RERE: variants seen among roughly 807,000 people sequenced by gnomAD.
RERE encodes the protein arginine-glutamic acid dipeptide repeats.
A neutral mutation model predicts 146.1 loss-of-function variants in RERE; 40 were observed. That is an observed-to-expected ratio of 0.27 (90% CI 0.21 to 0.36). The LOEUF is 0.36. Among genes scored for constraint, RERE ranks in the 10% least tolerant of loss-of-function variants. The probability of loss-of-function intolerance (pLI) is 1.00; values close to 1 mark genes in which losing one functional copy is unlikely to be tolerated. For missense variants in RERE, 1,933 were observed against 2,138.7 expected (o/e 0.90, Z 1.90); for synonymous variants, 1,003 against 866.0 (o/e 1.16, Z -2.78).
At chr1:8,547,848 C>T (rs1289112653) in intron 6 of RERE, among the ~76,000 whole-genome samples, 1 of 152,174 alleles carries the variant, frequency 6.6e-6, no homozygotes, top group East Asian at 1.9e-4. Context: ...ACCCAGCAAT[C>T]CCACTATTAT....
At position 8,365,842 on chromosome 1, in the gene RERE, T is replaced by C. The variant is rs149085650; in HGVS notation, c.1417A>G (p.Thr473Ala). 6.8e-6 allele frequency: 11 copies of C among 1,614,044 alleles called. No homozygotes were observed. The Admixed American group carries it at 1.8e-4, about 27-fold the overall frequency. Residue 473 changes from threonine to alanine, a missense_variant, in exon 13 of 23, where the codon ACA becomes GCA. Transcript: ENST00000400908. ...KTRTASTPVN[T>A]PSRPPSSEFL... is the part of the protein sequence containing the mutation. ...TCACTGGACGGGGGTCTGGAGGGTG[T>C]GTTGACGGGTGTGGACGCGGTGCGA...
intron 12 of RERE, among the ~76,000 whole-genome samples, chr1:8,396,535 T>C (rs954594136): frequency 1.3e-5 from 2 of 152,166 alleles, no homozygotes; most frequent in Non-Finnish European, 2.9e-5. Context: ...TTTTCAGCTG[T>C]GGATAACAAC....
intron 7 of RERE, among the ~76,000 whole-genome samples, chr1:8,532,435 G>T (rs888891300): frequency 7.3e-6 from 1 of 136,428 alleles, no homozygotes; most frequent in East Asian, 2.6e-4. Context: ...GGTCCGGGGA[G>T]GGGGGAGACA....
intron 12 of RERE, among the ~76,000 whole-genome samples, chr1:8,411,613 C>T (rs975973693): frequency 6.6e-6 from 1 of 152,154 alleles, no homozygotes; most frequent in South Asian, 2.1e-4. Context: ...GGTGATACTA[C>T]AGAGTGAGCT....
intron 1 of RERE, among the ~76,000 whole-genome samples, chr1:8,794,065 CA>C (rs999908345): frequency 4.0e-4 from 51 of 128,032 alleles, no homozygotes; most frequent in East Asian, 4.5e-4. Context: ...AAGACTGTCT[CA>C]AAAAAAAAAA....
At chr1:8,453,085 G>C (rs1277023500) in intron 11 of RERE, among the ~76,000 whole-genome samples, 1 of 152,198 alleles carries the variant, frequency 6.6e-6, no homozygotes, top group Non-Finnish European at 1.5e-5. Flanking sequence ...GAGAGGGAGA[G>C]AGAGGAAGGG....
chr1:8,375,108 G>A (rs1011314281), intron 12 of RERE, among the ~76,000 whole-genome samples: 5 of 68,632 alleles, frequency 7.3e-5, no homozygotes, highest in Admixed American at 6.7e-4. Context: ...GCCAAAGTAC[G>A]TGCTATCTCA....
At chr1:8,678,972 A>C (rs1337201440) in intron 1 of RERE, among the ~76,000 whole-genome samples, 4 of 152,182 alleles carry the variant, frequency 2.6e-5, no homozygotes, top group Non-Finnish European at 5.9e-5. Context: ...ATTTCAATTA[A>C]ATAAAATTTT....
chr1:8,812,441 G>A (rs1399944371), intron 1 of RERE, among the ~76,000 whole-genome samples: 1 of 152,192 alleles, frequency 6.6e-6, no homozygotes, highest in Non-Finnish European at 1.5e-5. Flanking sequence ...GAGGTTAGGA[G>A]TTCAAGACCA....
At chr1:8,419,298 T>C (rs1418431626) in intron 12 of RERE, among the ~76,000 whole-genome samples, 1 of 152,192 alleles carries the variant, frequency 6.6e-6, no homozygotes. Context: ...ACAGCCACTA[T>C]TCCCACTTCA....
At chr1:8,553,307 G>A (rs1328918487) in intron 6 of RERE, among the ~76,000 whole-genome samples, 1 of 140,246 alleles carries the variant, frequency 7.1e-6, no homozygotes, top group Admixed American at 7.1e-5. Flanking sequence ...CTACTAGGCC[G>A]GCACGTCCAC....
intron 11 of RERE, among the ~76,000 whole-genome samples, chr1:8,437,801 T>C (rs1644190915): frequency 6.6e-6 from 1 of 152,160 alleles, no homozygotes; most frequent in African/African-American, 2.4e-5. Context: ...AGTTCCAAAG[T>C]ATTTCTCTAA....
At chr1:8,749,362 TG>T (rs1640484839) in intron 1 of RERE, among the ~76,000 whole-genome samples, 2 of 151,734 alleles carry the variant, frequency 1.3e-5, no homozygotes, top group Admixed American at 6.6e-5. Context: ...AATGCTTTTA[TG>T]GAACTCACAA....
intron 1 of RERE, among the ~76,000 whole-genome samples, chr1:8,669,645 T>A (rs1023197404): frequency 2.6e-5 from 4 of 152,188 alleles, no homozygotes; most frequent in African/African-American, 4.8e-5. Flanking sequence ...CTAGTAGAGT[T>A]TTATTTCACG....
At chr1:8,756,503 C>T (rs551641634) in intron 1 of RERE, among the ~76,000 whole-genome samples, 1 of 152,174 alleles carries the variant, frequency 6.6e-6, no homozygotes, top group Admixed American at 6.5e-5. Context: ...AAATTCAGTA[C>T]AATCAAAATG....
chr1:8,501,141 A>G (rs1338644401), intron 8 of RERE, among the ~76,000 whole-genome samples: 128 of 139,864 alleles, frequency 9.2e-4, no homozygotes, highest in African/African-American at 3.3e-3. Context: ...CTGCCCGGCC[A>G]GCTGCCCCGT....
intron 9 of RERE, 145 bp downstream of exon 9, chr1:8,497,260 C>G (rs7518608): frequency 0.61 from 412,226 of 672,136 alleles, 129,738 homozygotes; most frequent in East Asian, 0.84. Context: ...GAGCCAGGGT[C>G]CCGATTACAG....
chr1:8,489,966 C>T lies in RERE; in HGVS notation c.1104+5097G>A, dbSNP rs1013971830. ...TCGGGAGGCTGAGGCAGAAGAATGG[C>T]GTGAACCCGGGAGGCAGAGCTCGCA... On this transcript the variant is annotated intron_variant, in intron 10 of 22. Coordinates refer to ENST00000400908, the MANE Select transcript of RERE (RefSeq NM_001042681.2). Among the ~76,000 whole-genome samples, 4 of 151,526 alleles carry T rather than the reference C, an allele frequency of 2.6e-5. No homozygotes were observed. The South Asian group carries it at 8.3e-4, about 32-fold the overall frequency.
intron 11 of RERE, among the ~76,000 whole-genome samples, chr1:8,452,383 G>A (rs1394473152): frequency 6.6e-6 from 1 of 152,216 alleles, no homozygotes; most frequent in East Asian, 1.9e-4. Flanking sequence ...GGATACCACA[G>A]TGGGATGGCA....
Sources: allele counts gnomAD v4.1 joint callset (sites outside exome capture counted in the v4.1 genomes callset), GRCh38; gene constraint gnomAD v4.1.1; transcripts MANE v1.5; gene names NCBI Gene and HGNC (gene_info 2026-07-23, HGNC 2026-07-21).